Variants in NLRP1 observed in about 807,000 individuals in gnomAD.
NLRP1 encodes NLR family pyrin domain containing 1.
In NLRP1, 94 loss-of-function variants were observed where a neutral mutation model predicts 136.7. The ratio of observed to expected loss-of-function variants is 0.69; its 90% confidence interval spans 0.58 to 0.82. The LOEUF is 0.82. Among genes scored for constraint, NLRP1 ranks in the 40% least tolerant of loss-of-function variants. The pLI, the probability that NLRP1 is intolerant of heterozygous loss-of-function variation, is 0.00. For missense variants in NLRP1, 1,575 were observed against 1,802.7 expected (o/e 0.87, Z 2.29); for synonymous variants, 690 against 725.1 (o/e 0.95, Z 0.78).
intron 15 of NLRP1, chr17:5,502,291 CTTTTTT>C (rs35078343): frequency 1.9e-5 from 3 of 154,784 alleles, no homozygotes; most frequent in Admixed American, 6.1e-5. Context: ...GGTGCAGTTC[CTTTTTT>C]TTTTTTTTTT....
In NLRP1 at chr17:5,514,521, T is replaced by G; in HGVS notation, c.*233A>C. On this transcript the variant is annotated 3_prime_UTR_variant, in exon 17 of 17. Coordinates refer to ENST00000572272, the MANE Select transcript of NLRP1 (RefSeq NM_033004.4). ...AGGCTCTATGAGGTCTGCAGGGGTC[T>G]TGCCAGCTCCAGATGGACATTCCCT... 6 of 1,394,428 alleles carry G rather than the reference T, an allele frequency of 4.3e-6. No individual in the cohort carries two copies. The highest frequency in any genetic ancestry group is 5.6e-6 in the Non-Finnish European group (6 of 1,075,046). 86.4% of individuals were successfully genotyped at this position (1,394,428 alleles called of 1,614,324 possible). A position where few individuals can be genotyped will look rare whatever the true frequency, so the allele number is the denominator to read the frequency against.
rs142728498 is a variant in NLRP1 at position 5,559,923 on chromosome 17, G to C, written c.773C>G (p.Ser258Cys). The C allele has an allele frequency of 1.2e-5, 20 of 1,614,106 alleles. No homozygotes were observed. In the African/African-American group the frequency reaches 2.5e-4, roughly 20 times the overall value. ...LQPHHHPWEP[S>C]VRESLCSTWP... is the part of the protein sequence containing the mutation. ...TGTGGAACAGAGGCTCTCTCTCACA[G>C]AAGGCTCCCATGGGTGGTGGTGGGG... Residue 258 changes from serine to cysteine, a missense_variant, in exon 4 of 17, where the codon TCT becomes TGT. By Grantham distance (112) the Ser-to-Cys change is moderately radical. Coordinates refer to ENST00000572272, the MANE Select transcript of NLRP1 (RefSeq NM_033004.4).
Position 5,558,240 on chromosome 17 carries a change from A to G in NLRP1, c.2357+99T>C, listed in dbSNP as rs111658971. ...AGACCCTGATCCTTTAGCCACCCCCACCCCCGGCCAGGCTCAGTGAGCATG... is the reference window on the plus strand; with the variant it reads ...AGACCCTGATCCTTTAGCCACCCCCGCCCCCGGCCAGGCTCAGTGAGCATG... On this transcript the variant is annotated intron_variant, in intron 4 of 16. Coordinates refer to ENST00000572272, the MANE Select transcript of NLRP1 (RefSeq NM_033004.4). The G allele has an allele frequency of 3.8e-3, 5,104 of 1,339,632 alleles. 153 individuals carry two copies. The African/African-American group carries it at 0.067, about 18-fold the overall frequency. The allele number at this position is 1,339,632 out of a possible 1,614,324, so 83.0% of individuals were successfully genotyped here. A position where few individuals can be genotyped will look rare whatever the true frequency, so the allele number is the denominator to read the frequency against.
chr17:5,506,492 C>T (rs1382120336), intron 15 of NLRP1, among the ~76,000 whole-genome samples: 1 of 152,102 alleles, frequency 6.6e-6, no homozygotes, highest in Non-Finnish European at 1.5e-5. Flanking sequence ...GGCAGCATTA[C>T]TCACAATAGC....
chr17:5,583,270 T>C lies in NLRP1; in HGVS notation c.271+417A>G, dbSNP rs1046859213. ...CAGACTCTGTGCTAAATGTTTAACCTGGATGATCTCTTTTAACCCTCACAC... is the reference window on the plus strand; with the variant it reads ...CAGACTCTGTGCTAAATGTTTAACCCGGATGATCTCTTTTAACCCTCACAC... On this transcript the variant is annotated intron_variant, in intron 1 of 16. Coordinates refer to ENST00000572272, the MANE Select transcript of NLRP1 (RefSeq NM_033004.4). The surrounding 1 kb of genome is among the most constrained non-coding windows in gnomAD (Gnocchi z 4.5). Among the ~76,000 whole-genome samples the C allele has an allele frequency of 4.6e-5, 7 of 152,178 alleles. No homozygotes were observed. Among genetic ancestry groups the C allele is most frequent in the African/African-American group, 1.7e-4 (7 of 41,416 alleles).
At chr17:5,529,880 G>A (rs2151753667) in intron 12 of NLRP1, 2 of 419,234 alleles carry the variant, frequency 4.8e-6, no homozygotes, top group East Asian at 7.3e-5. Context: ...CTTACTTCTG[G>A]TGCCTTGTTT....
At chr17:5,563,064 C>T (rs577125709) in intron 3 of NLRP1, among the ~76,000 whole-genome samples, 17 of 152,188 alleles carry the variant, frequency 1.1e-4, no homozygotes, top group African/African-American at 2.9e-4. Context: ...CCACCTTATA[C>T]GACAATCAAA....
rs780905238 is a variant in NLRP1 at position 5,558,721 on chromosome 17, C to T, written c.1975G>A (p.Ala659Thr). Residue 659 changes from alanine (A) to threonine (T), a missense_variant, in exon 4 of 17, where the codon GCA (alanine) becomes ACA (threonine). By Grantham distance (58) the Ala-to-Thr change is moderately conservative. Transcript: ENST00000572272. ...CCAAACAGGCCATGTATTCCATATG[C>T]TTCTAGCGTCTTTTCCAAATCTATG... Reference protein sequence around the residue: ...CIIDLEKTLEAYGIHGLFGAS... With the variant: ...CIIDLEKTLETYGIHGLFGAS... 3.1e-6 allele frequency: 5 copies of T among 1,614,088 alleles called. No homozygotes were observed. In the Admixed American group the frequency reaches 8.3e-5, roughly 27 times the overall value.
chr17:5,574,896 C>T (rs905845054), intron 3 of NLRP1, among the ~76,000 whole-genome samples: 3 of 152,042 alleles, frequency 2.0e-5, no homozygotes, highest in African/African-American at 7.2e-5. Context: ...GATCTCCTGA[C>T]CTCATGGTCT....
intron 5 of NLRP1, among the ~76,000 whole-genome samples, chr17:5,542,368 C>T (rs567777171): frequency 7.9e-5 from 12 of 152,182 alleles, no homozygotes; most frequent in Non-Finnish European, 1.5e-4. Context: ...ATAGTCACTG[C>T]CCTTCTCTCT....
intron 14 of NLRP1, among the ~76,000 whole-genome samples, chr17:5,520,603 G>T (rs750405772): frequency 4.6e-5 from 7 of 152,132 alleles, no homozygotes; most frequent in Non-Finnish European, 8.8e-5. Flanking sequence ...GTTCCTGGTG[G>T]TCTGGACTGA....
At chr17:5,566,304 T>A (rs995439664) in intron 3 of NLRP1, among the ~76,000 whole-genome samples, 9 of 152,078 alleles carry the variant, frequency 5.9e-5, no homozygotes, top group Non-Finnish European at 7.4e-5. Flanking sequence ...TAGGCACTTA[T>A]AGCTATAAAC....
intron 8 of NLRP1, among the ~76,000 whole-genome samples, chr17:5,534,627 G>A (rs549796833): frequency 2.0e-5 from 3 of 152,074 alleles, no homozygotes; most frequent in Non-Finnish European, 2.9e-5. Context: ...TCTGTGGCCC[G>A]CACCACTGCA....
intron 3 of NLRP1, among the ~76,000 whole-genome samples, chr17:5,574,183 G>A (rs969850657): frequency 3.9e-5 from 6 of 152,190 alleles, no homozygotes; most frequent in Non-Finnish European, 7.3e-5. Flanking sequence ...TAGCCAATTC[G>A]ATCAACTGGA....
chr17:5,561,860 G>A (rs908000139), intron 3 of NLRP1, among the ~76,000 whole-genome samples: 1 of 152,230 alleles, frequency 6.6e-6, no homozygotes, highest in Non-Finnish European at 1.5e-5. Context: ...TAGCCAGGCG[G>A]GCAATGTCTG....
downstream of NLRP1, chr17:5,512,250 A>G: frequency 3.3e-6 from 5 of 1,526,622 alleles, no homozygotes; most frequent in Non-Finnish European, 4.5e-6. Flanking sequence ...GTCCTTTGGG[A>G]TTATCAGGAC....
intron 3 of NLRP1, among the ~76,000 whole-genome samples, chr17:5,578,117 G>A (rs1416974540): frequency 2.6e-5 from 4 of 151,814 alleles, no homozygotes; most frequent in Non-Finnish European, 5.9e-5. Context: ...ATTCAAGATG[G>A]ATTAAAGACT....
chr17:5,531,746 A>G (rs1205593402), intron 11 of NLRP1, among the ~76,000 whole-genome samples: 1 of 152,182 alleles, frequency 6.6e-6, no homozygotes, highest in Non-Finnish European at 1.5e-5. Context: ...GTATGACTAT[A>G]GAGAATTACT....
At chr17:5,582,599 C>T in intron 2 of NLRP1, 71 bp downstream of exon 2, 1 of 1,458,452 alleles carries the variant, frequency 6.9e-7, no homozygotes, top group African/African-American at 1.4e-5. Context: ...CAGACATGAT[C>T]CTCTGGGTGG....
Sources: allele counts gnomAD v4.1 joint callset (sites outside exome capture counted in the v4.1 genomes callset), GRCh38; gene constraint gnomAD v4.1.1; non-coding constraint Gnocchi (gnomAD v3.1); transcripts MANE v1.5; gene names NCBI Gene and HGNC (gene_info 2026-07-23, HGNC 2026-07-21).